MSI2: variants seen among roughly 807,000 people sequenced by gnomAD.
MSI2 encodes RNA-binding protein Musashi homolog 2.
Under a neutral mutation model 45.6 loss-of-function variants are expected in MSI2, and 17 were observed. That is an observed-to-expected ratio of 0.37 (90% CI 0.26 to 0.56). MSI2 has a LOEUF of 0.56. MSI2 is among the 20% of genes least tolerant of loss of function. The pLI is 0.77. For synonymous variants in MSI2, 156 were observed against 158.2 expected (o/e 0.99, Z 0.11); for missense variants, 293 against 444.2 (o/e 0.66, Z 3.06).
At chr17:57,686,863 CAT>C (rs1424006348), downstream of MSI2, among the ~76,000 whole-genome samples, 1 of 152,076 alleles carries the variant, frequency 6.6e-6, no homozygotes, top group Admixed American at 6.5e-5. Context: ...AAAATAAAGA[CAT>C]AGAAGAATTG....
At chr17:57,485,763 G>A (rs1012347745) in intron 6 of MSI2, among the ~76,000 whole-genome samples, 1 of 152,192 alleles carries the variant, frequency 6.6e-6, no homozygotes, top group African/African-American at 2.4e-5. Context: ...GAGAAAAGTT[G>A]CCATAAAGAC....
chr17:57,266,182 G>A (rs1473727741), intron 5 of MSI2: 2 of 152,100 alleles, frequency 1.3e-5, no homozygotes, highest in East Asian at 1.9e-4. Flanking sequence ...GGTGGCCAGG[G>A]GCGAGTCACT....
At chr17:57,674,437 T>C (rs1913073549) in intron 11 of MSI2, among the ~76,000 whole-genome samples, 1 of 152,204 alleles carries the variant, frequency 6.6e-6, no homozygotes, top group Non-Finnish European at 1.5e-5. Context: ...GATTTTTTTT[T>C]TCCTGGACAC....
intron 7 of MSI2, among the ~76,000 whole-genome samples, chr17:57,577,709 G>C (rs2088087364): frequency 6.6e-6 from 1 of 152,196 alleles, no homozygotes; most frequent in African/African-American, 2.4e-5. Context: ...GGGAAAGTAG[G>C]TTCTTATTTA....
At chr17:57,567,909 C>G (rs1014149948) in intron 7 of MSI2, among the ~76,000 whole-genome samples, 1 of 152,178 alleles carries the variant, frequency 6.6e-6, no homozygotes, top group African/African-American at 2.4e-5. Flanking sequence ...CAATAAATAC[C>G]TTTACTGAAT....
chr17:57,262,782 C>A (rs892294583), intron 5 of MSI2, among the ~76,000 whole-genome samples: 1 of 152,128 alleles, frequency 6.6e-6, no homozygotes, highest in Non-Finnish European at 1.5e-5. Context: ...AATGTTGTAA[C>A]CTTGTAGGAG....
intron 4 of MSI2, among the ~76,000 whole-genome samples, chr17:57,260,890 C>T (rs939906887): frequency 1.1e-4 from 16 of 151,854 alleles, no homozygotes; most frequent in Admixed American, 9.8e-4. Context: ...ACCCCCACCT[C>T]CCTACTTTCC....
At chr17:57,636,858 G>A (rs1909876510) in intron 10 of MSI2, among the ~76,000 whole-genome samples, 1 of 152,192 alleles carries the variant, frequency 6.6e-6, no homozygotes, top group Non-Finnish European at 1.5e-5. Context: ...TTGCTAGTAG[G>A]GACACAGATC....
intron 8 of MSI2, among the ~76,000 whole-genome samples, chr17:57,608,971 A>G (rs562926715): frequency 5.3e-5 from 8 of 152,176 alleles, no homozygotes; most frequent in Non-Finnish European, 7.3e-5. Context: ...ACTGGATGGC[A>G]AAGGAGGGCT....
intron 6 of MSI2, among the ~76,000 whole-genome samples, chr17:57,401,911 T>C (rs931480994): frequency 6.6e-6 from 1 of 152,144 alleles, no homozygotes; most frequent in Non-Finnish European, 1.5e-5. Flanking sequence ...CCTTTGCAGC[T>C]GAACCCTCCC....
chr17:57,594,470 C>T (rs1905102020), intron 7 of MSI2, among the ~76,000 whole-genome samples: 1 of 152,124 alleles, frequency 6.6e-6, no homozygotes, highest in Non-Finnish European at 1.5e-5. Context: ...AGCTGAATGC[C>T]CTCAGGAAAC....
At chr17:57,330,188 C>G (rs1372755432) in intron 5 of MSI2, among the ~76,000 whole-genome samples, 1 of 151,970 alleles carries the variant, frequency 6.6e-6, no homozygotes, top group East Asian at 1.9e-4. Flanking sequence ...TTACTGTGGT[C>G]CTGGGTTTAG....
intron 6 of MSI2, among the ~76,000 whole-genome samples, chr17:57,422,002 A>G (rs1160921276): frequency 1.3e-5 from 2 of 152,236 alleles, no homozygotes; most frequent in African/African-American, 4.8e-5. Flanking sequence ...AATACTATCA[A>G]ATGTTACACA....
intron 6 of MSI2, among the ~76,000 whole-genome samples, chr17:57,471,359 C>T (rs185856956): frequency 0.014 from 2,014 of 142,658 alleles, 39 homozygotes; most frequent in African/African-American, 0.048. Context: ...GGTACAATCT[C>T]GGCTCACTGC....
At chr17:57,643,365 G>T (rs1156264561) in intron 10 of MSI2, among the ~76,000 whole-genome samples, 2 of 152,234 alleles carry the variant, frequency 1.3e-5, no homozygotes, top group South Asian at 2.1e-4. Flanking sequence ...TTCTCAAGCC[G>T]CAGAATCTGT....
At chr17:57,696,686 A>G in the MSI2 span, among the ~76,000 whole-genome samples, 1 of 152,308 alleles carries the variant, frequency 6.6e-6, no homozygotes, top group South Asian at 2.1e-4. Flanking sequence ...AGTGAGCTAC[A>G]ATGGCACCAC....
chr17:57,256,982 C>G (rs1232429127), intron 1 of MSI2, 116 bp from the exon 2 acceptor site: 18 of 1,564,436 alleles, frequency 1.2e-5, no homozygotes, highest in Non-Finnish European at 1.6e-5. Context: ...CCCCACCCCA[C>G]CTCCCGGCTC....
intron 5 of MSI2, among the ~76,000 whole-genome samples, chr17:57,342,555 G>A (rs1296066800): frequency 6.6e-6 from 1 of 152,154 alleles, no homozygotes; most frequent in Non-Finnish European, 1.5e-5. Flanking sequence ...AAAATTGAGA[G>A]GATATTAGTT....
In MSI2 at chr17:57,387,797, A is replaced by T. The variant is rs1355006603; in HGVS notation, c.313-13582A>T. Among the ~76,000 whole-genome samples the T allele has an allele frequency of 4.6e-5, 7 of 152,332 alleles. No homozygotes were observed. The South Asian group carries it at 1.5e-3, about 32-fold the overall frequency. Reference sequence around the variant, plus strand: ...GTTTGATCCCCATTCACAGATGAGCAGACAGAGGTGAAGTCACTAGTGGGG... The same window carrying T: ...GTTTGATCCCCATTCACAGATGAGCTGACAGAGGTGAAGTCACTAGTGGGG... On this transcript the variant is annotated intron_variant, in intron 5 of 13. Coordinates refer to ENST00000284073, the MANE Select transcript of MSI2 (RefSeq NM_138962.4).
Sources: gnomAD v4.1 joint callset for allele counts (sites outside exome capture counted in the v4.1 genomes callset) on GRCh38, gnomAD v4.1.1 for gene constraint, MANE v1.5 for transcripts, NCBI Gene and HGNC (gene_info 2026-07-23, HGNC 2026-07-21) for gene names.